TENM2: variants seen among roughly 807,000 people sequenced by gnomAD.
TENM2 encodes teneurin transmembrane protein 2, also known as teneurin-2.
A neutral mutation model predicts 245.2 loss-of-function variants in TENM2; 52 were observed. That is an observed-to-expected ratio of 0.21 (90% CI 0.17 to 0.27). The LOEUF is 0.27. Ranked by LOEUF, TENM2 falls within the 10% of genes least tolerant of loss-of-function variation. TENM2 has a pLI of 1.00. For synonymous variants in TENM2, 1,363 were observed against 1,438.9 expected (o/e 0.95, Z 1.19); for missense variants, 3,046 against 3,666.8 (o/e 0.83, Z 4.37).
chr5:167,197,914 G>A, the TENM2 span, among the ~76,000 whole-genome samples: 8 of 151,828 alleles, frequency 5.3e-5, no homozygotes, highest in African/African-American at 1.9e-4. Flanking sequence ...CACATATAGA[G>A]AGAGAGAGGG....
chr5:167,385,613 A>G (rs1305813265), intron 2 of TENM2, among the ~76,000 whole-genome samples: 1 of 151,672 alleles, frequency 6.6e-6, no homozygotes, highest in East Asian at 1.9e-4. Context: ...TCACCTGAGC[A>G]GTACACACTG....
chr5:167,367,759 C>T (rs1401692688), intron 1 of TENM2, among the ~76,000 whole-genome samples: 3 of 151,748 alleles, frequency 2.0e-5, no homozygotes, highest in Non-Finnish European at 2.9e-5. Context: ...TATTTAAATG[C>T]GAGATAACAA....
At chr5:168,139,031 A>G (rs1755306197) in intron 12 of TENM2, among the ~76,000 whole-genome samples, 1 of 152,196 alleles carries the variant, frequency 6.6e-6, no homozygotes, top group Admixed American at 6.5e-5. Context: ...TCTATCAATA[A>G]TGTTTGGTTA....
intron 2 of TENM2, among the ~76,000 whole-genome samples, chr5:167,555,131 A>G (rs1197570498): frequency 6.6e-6 from 1 of 152,048 alleles, no homozygotes; most frequent in African/African-American, 2.4e-5. Flanking sequence ...ACACAAACAC[A>G]CACACTTGTT....
At chr5:167,643,989 T>G (rs1779773720) in intron 2 of TENM2, among the ~76,000 whole-genome samples, 1 of 152,216 alleles carries the variant, frequency 6.6e-6, no homozygotes, top group African/African-American at 2.4e-5. Context: ...ATTTTTTTCA[T>G]ATTCTAATAT....
chr5:167,762,248 G>GGACAAAA (rs1443978303), intron 2 of TENM2, among the ~76,000 whole-genome samples: 1 of 152,126 alleles, frequency 6.6e-6, no homozygotes, highest in Non-Finnish European at 1.5e-5. Context: ...CTCCTTAGGA[G>GGACAAAA]GACAAAAGAT....
chr5:167,618,394 G>C (rs1357454346), intron 2 of TENM2, among the ~76,000 whole-genome samples: 1 of 152,012 alleles, frequency 6.6e-6, no homozygotes, highest in South Asian at 2.1e-4. Context: ...ATGGTGAGTA[G>C]TTATCAACAC....
chr5:167,626,074 C>A (rs1233161325), intron 2 of TENM2, among the ~76,000 whole-genome samples: 3 of 152,016 alleles, frequency 2.0e-5, no homozygotes, highest in African/African-American at 7.3e-5. Context: ...TTCACTAAGC[C>A]CAGCCCACAT....
intron 2 of TENM2, among the ~76,000 whole-genome samples, chr5:167,407,660 A>G (rs759395631): frequency 3.9e-4 from 59 of 152,254 alleles, no homozygotes; most frequent in Non-Finnish European, 7.2e-4. Flanking sequence ...TCTACTAAAA[A>G]TACAAAAATT....
intron 3 of TENM2, among the ~76,000 whole-genome samples, chr5:167,884,215 T>TAGAG (rs1398059748): frequency 3.3e-5 from 5 of 152,244 alleles, no homozygotes; most frequent in African/African-American, 4.8e-5. Context: ...GAGTACTTGT[T>TAGAG]TCCTAATTTA....
intron 1 of TENM2, among the ~76,000 whole-genome samples, chr5:167,294,939 G>C (rs1754861807): frequency 1.3e-5 from 2 of 152,142 alleles, no homozygotes; most frequent in South Asian, 4.1e-4. Flanking sequence ...GTGACCTGTG[G>C]TTCACGTCTT....
intron 4 of TENM2, among the ~76,000 whole-genome samples, chr5:167,960,541 C>T (rs1244005803): frequency 1.3e-5 from 2 of 152,058 alleles, no homozygotes; most frequent in African/African-American, 2.4e-5. Context: ...TGGACCCCCC[C>T]TCCCTCCCAC....
At chr5:168,129,237 G>A (rs1721323422) in intron 12 of TENM2, 1 of 152,182 alleles carries the variant, frequency 6.6e-6, no homozygotes, top group African/African-American at 2.4e-5. Context: ...GAACATAGAT[G>A]TTTCGGTCAA....
At chr5:167,817,433 G>A (rs1767146063) in intron 2 of TENM2, among the ~76,000 whole-genome samples, 1 of 152,120 alleles carries the variant, frequency 6.6e-6, no homozygotes, top group African/African-American at 2.4e-5. Flanking sequence ...ATTCTTCAAA[G>A]ATATTAATAA....
chr5:168,020,889 C>G (rs1366810699), intron 5 of TENM2, among the ~76,000 whole-genome samples: 2 of 152,184 alleles, frequency 1.3e-5, no homozygotes, highest in Admixed American at 1.3e-4. Context: ...ACCCGTTCAT[C>G]TGCTGTGCTG....
At chr5:167,880,932 C>T (rs1323275546) in intron 3 of TENM2, among the ~76,000 whole-genome samples, 3 of 152,142 alleles carry the variant, frequency 2.0e-5, no homozygotes, top group African/African-American at 7.2e-5. Flanking sequence ...CATTCAGGAC[C>T]TGAAAAGCAG....
the TENM2 span, among the ~76,000 whole-genome samples, chr5:166,993,319 G>T: frequency 1.3e-5 from 2 of 152,098 alleles, no homozygotes; most frequent in African/African-American, 2.4e-5. Flanking sequence ...TCCCGCGAGG[G>T]TCTCCACTGG....
intron 2 of TENM2, among the ~76,000 whole-genome samples, chr5:167,789,044 T>G (rs1020195002): frequency 6.6e-6 from 1 of 152,174 alleles, no homozygotes; most frequent in South Asian, 2.1e-4. Flanking sequence ...ACGGGCATCT[T>G]GAGAAGAACC....
chr5:167,044,080 G>GGAAGGAAGGAAGGAAA, the TENM2 span, among the ~76,000 whole-genome samples: 29 of 150,720 alleles, frequency 1.9e-4, no homozygotes, highest in Non-Finnish European at 3.1e-4. Flanking sequence ...AAGGAAGGAA[G>GGAAGGAAGGAAGGAAA]GAAAGACTGT....
Sources: allele counts gnomAD v4.1 joint callset (sites outside exome capture counted in the v4.1 genomes callset), GRCh38; gene constraint gnomAD v4.1.1; transcripts MANE v1.5; gene names NCBI Gene and HGNC (gene_info 2026-07-23, HGNC 2026-07-21).